MDFIC: variants seen among roughly 807,000 people sequenced by gnomAD.
MDFIC encodes the protein MyoD family inhibitor domain containing.
A neutral mutation model predicts 23.2 loss-of-function variants in MDFIC; 17 were observed. The observed-to-expected ratio is 0.73, with a 90% CI of 0.50 to 1.10. The LOEUF is 1.10. Ranked by LOEUF, MDFIC falls within the 50% of genes least tolerant of loss-of-function variation. MDFIC has a pLI of 0.00. For missense variants in MDFIC, 356 were observed against 316.6 expected (o/e 1.12, Z -0.95); for synonymous variants, 120 against 115.2 (o/e 1.04, Z -0.27).
intron 4 of MDFIC, among the ~76,000 whole-genome samples, chr7:114,994,056 A>G (rs1791257549): frequency 6.6e-6 from 1 of 152,208 alleles, no homozygotes; most frequent in African/African-American, 2.4e-5. Context: ...ATATATATTT[A>G]GGATAGTTAG....
chr7:114,956,992 G>A (rs1419114564), intron 3 of MDFIC, among the ~76,000 whole-genome samples: 1 of 152,074 alleles, frequency 6.6e-6, no homozygotes, highest in Non-Finnish European at 1.5e-5. Context: ...GCTCTTTTTG[G>A]AAGTTGGTTT....
intron 2 of MDFIC, chr7:114,923,577 G>A: frequency 6.5e-7 from 1 of 1,528,370 alleles, no homozygotes. Context: ...AGGTTTCTGT[G>A]ACCAGTAGCT....
At chr7:114,976,973 C>T (rs1395889216) in intron 3 of MDFIC, among the ~76,000 whole-genome samples, 1 of 151,932 alleles carries the variant, frequency 6.6e-6, no homozygotes, top group East Asian at 1.9e-4. Flanking sequence ...TAATACTTTT[C>T]CAAGTGGAAG....
intron 3 of MDFIC, among the ~76,000 whole-genome samples, chr7:114,955,202 A>G (rs975925866): frequency 6.6e-6 from 1 of 152,246 alleles, no homozygotes; most frequent in Non-Finnish European, 1.5e-5. Context: ...TTCCAGGACC[A>G]CAGTAAACTT....
At chr7:114,925,097 CAG>C (rs1436069435) in intron 2 of MDFIC, among the ~76,000 whole-genome samples, 1 of 151,856 alleles carries the variant, frequency 6.6e-6, no homozygotes, top group Non-Finnish European at 1.5e-5. Context: ...ATATTAAAGT[CAG>C]TAAGAAAAGT....
At chr7:114,939,677 G>A (rs1320761084) in intron 2 of MDFIC, among the ~76,000 whole-genome samples, 2 of 152,168 alleles carry the variant, frequency 1.3e-5, no homozygotes. Context: ...GAGGGTCTGT[G>A]TTTAGCACTC....
chr7:114,963,523 C>T (rs1016211252), intron 3 of MDFIC, among the ~76,000 whole-genome samples: 4 of 152,164 alleles, frequency 2.6e-5, no homozygotes, highest in Non-Finnish European at 5.9e-5. Context: ...TTGATATTCT[C>T]TCTGCCAGTA....
chr7:114,923,753 A>C, intron 2 of MDFIC: 7 of 999,094 alleles, frequency 7.0e-6, no homozygotes, highest in Non-Finnish European at 9.3e-6. Context: ...TTCCATAACA[A>C]GCTTCTAAAC....
At chr7:115,010,018 G>A (rs1261875971) in intron 4 of MDFIC, among the ~76,000 whole-genome samples, 1 of 152,028 alleles carries the variant, frequency 6.6e-6, no homozygotes, top group African/African-American at 2.4e-5. Context: ...AACAGTTTTG[G>A]CAAAAACTGT....
rs1290324515 is a variant in MDFIC at position 115,009,262 on chromosome 7, C to A, written c.494-6426C>A. Among the ~76,000 whole-genome samples the A allele has an allele frequency of 2.0e-5, 3 of 152,184 alleles. No individual in the cohort carries two copies. In the East Asian group the frequency reaches 5.8e-4, roughly 29 times the overall value. The stretch of plus-strand genomic sequence containing the variant: ...TCTTAAAAATGGGTTGTGAGTTATT[C>A]TCAGAATTCTCTGCTGTCTGTCCTT... On this transcript the variant is annotated intron_variant, in intron 4 of 4. Coordinates refer to ENST00000393486, the MANE Select transcript of MDFIC (RefSeq NM_001166345.3).
chr7:115,001,534 A>G (rs1034162048), intron 4 of MDFIC, among the ~76,000 whole-genome samples: 6 of 152,220 alleles, frequency 3.9e-5, no homozygotes, highest in African/African-American at 1.2e-4. Context: ...TATGGTAGAT[A>G]TCTCCTAGAA....
Position 115,017,756 on chromosome 7 carries a change from A to C in MDFIC, c.*1821A>C, listed in dbSNP as rs1791821556. ...TAAAATTGTAGTTTGGTTTGATTTA[A>C]TATAATTCTTAGTAGAAATTTTGAA... is the stretch of plus-strand genomic sequence containing the variant. On this transcript the variant is annotated 3_prime_UTR_variant, in exon 5 of 5. Coordinates refer to ENST00000393486, the MANE Select transcript of MDFIC (RefSeq NM_001166345.3). 6.6e-6 allele frequency: 1 copy of C among 152,460 alleles called. No homozygotes were observed. Among genetic ancestry groups the C allele is most frequent in the African/African-American group, 2.4e-5 (1 of 41,446 alleles). 9.4% of individuals were successfully genotyped at this position (152,460 alleles called of 1,614,324 possible). A position where few individuals can be genotyped will look rare whatever the true frequency, so the allele number is the denominator to read the frequency against.
intron 2 of MDFIC, among the ~76,000 whole-genome samples, chr7:114,929,607 T>G (rs1012359250): frequency 1.3e-5 from 2 of 152,188 alleles, no homozygotes; most frequent in Non-Finnish European, 2.9e-5. Context: ...GTAGCCTGAG[T>G]GGCAACCTAG....
intron 4 of MDFIC, among the ~76,000 whole-genome samples, chr7:115,011,274 G>A (rs1791676577): frequency 6.6e-6 from 1 of 152,098 alleles, no homozygotes; most frequent in South Asian, 2.1e-4. Flanking sequence ...TGACTTCTTA[G>A]GAGTATTATT....
At chr7:114,968,096 C>T (rs1446365574) in intron 3 of MDFIC, among the ~76,000 whole-genome samples, 2 of 152,136 alleles carry the variant, frequency 1.3e-5, no homozygotes. Context: ...GGATTACAGG[C>T]ATGAGCCACT....
intron 2 of MDFIC, chr7:114,923,358 T>C: frequency 1.5e-6 from 2 of 1,302,478 alleles, no homozygotes; most frequent in Non-Finnish European, 2.1e-6. Context: ...CCCCTTCCTT[T>C]GGTTGCGAAG....
intron 2 of MDFIC, among the ~76,000 whole-genome samples, chr7:114,927,669 A>G (rs1342211897): frequency 6.6e-6 from 1 of 152,088 alleles, no homozygotes; most frequent in African/African-American, 2.4e-5. Flanking sequence ...CACTTTGGAG[A>G]CTCCAACATA....
rs1028436214 is a variant in MDFIC at position 115,018,067 on chromosome 7, A to C, written c.*2132A>C. 2.6e-5 allele frequency: 4 copies of C among 151,982 alleles called. No homozygotes were observed. Among genetic ancestry groups the C allele is most frequent in the Non-Finnish European group, 4.4e-5 (3 of 67,852 alleles). 9.4% of individuals were successfully genotyped at this position (151,982 alleles called of 1,614,324 possible). A position where few individuals can be genotyped will look rare whatever the true frequency, so the allele number is the denominator to read the frequency against. Reference sequence around the variant, plus strand: ...TACATACACACATACAAAACCTTTAAATTTTGGGATCTGAATATAATTCTG... The same window carrying C: ...TACATACACACATACAAAACCTTTACATTTTGGGATCTGAATATAATTCTG... On this transcript the variant is annotated 3_prime_UTR_variant, in exon 5 of 5. Coordinates refer to ENST00000393486, the MANE Select transcript of MDFIC (RefSeq NM_001166345.3).
intron 2 of MDFIC, among the ~76,000 whole-genome samples, chr7:114,936,371 A>G (rs1055477811): frequency 6.6e-6 from 1 of 152,212 alleles, no homozygotes; most frequent in Admixed American, 6.5e-5. Context: ...TTCTGTTACT[A>G]TAATATTATT....
Sources: allele counts gnomAD v4.1 joint callset (sites outside exome capture counted in the v4.1 genomes callset), GRCh38; gene constraint gnomAD v4.1.1; transcripts MANE v1.5; gene names NCBI Gene and HGNC (gene_info 2026-07-23, HGNC 2026-07-21).